The following CAPN1 variants were observed in gnomAD, a reference collection of about 807,000 sequenced individuals.
The protein encoded by CAPN1 is calpain 1, also known as calpain-1 catalytic subunit.
Under a neutral mutation model 105.2 loss-of-function variants are expected in CAPN1, and 77 were observed. The observed-to-expected ratio is 0.73, with a 90% CI of 0.61 to 0.88. The LOEUF (loss-of-function observed/expected upper bound fraction) is 0.88. Among genes scored for constraint, CAPN1 ranks in the 40% least tolerant of loss-of-function variants. CAPN1 has a pLI of 0.00. For missense variants in CAPN1, 833 were observed against 976.6 expected, an observed-to-expected ratio of 0.85 and a Z score of 1.96; for synonymous variants, 355 against 388.8, an observed-to-expected ratio of 0.91 and a Z score of 1.02.
chr11:65,181,408 G>A, upstream of CAPN1: 1 of 245,704 alleles, frequency 4.1e-6, no homozygotes. This position sits in a 1 kb window ranked among gnomAD's most constrained non-coding sequence, Gnocchi z 4.6. Flanking sequence ...GCCGCAGCCC[G>A]AGGTAATCTC....
In CAPN1 at chr11:65,183,458, A is replaced by AT. The variant is rs769482925; in HGVS notation, c.338-15dup. On this transcript the variant is annotated splice_polypyrimidine_tract_variant and intron_variant, in intron 3 of 21. Coordinates refer to ENST00000279247, the MANE Select transcript of CAPN1 (RefSeq NM_005186.4). ...AGGTTGGTAGAGCAGGCTAATGTGC[A>AT]TCCCTCCTGCCCCAGGGGACTGCTG... is the stretch of plus-strand genomic sequence containing the variant. The AT allele has an allele frequency of 2.5e-6, 4 of 1,578,264 alleles. No individual in the cohort carries two copies. In the South Asian group the frequency reaches 3.3e-5, roughly 13 times the overall value.
In CAPN1 at chr11:65,209,649, C is replaced by T. The variant is rs957852824; in HGVS notation, c.1795-200C>T. 1 of 648,366 alleles carries T rather than the reference C, an allele frequency of 1.5e-6. No homozygotes were observed. Among genetic ancestry groups the T allele is most frequent in the Non-Finnish European group, 2.7e-6 (1 of 367,220 alleles). The allele number at this position is 648,366 out of a possible 1,614,324, so 40.2% of individuals were successfully genotyped here. A position where few individuals can be genotyped will look rare whatever the true frequency, so the allele number is the denominator to read the frequency against. On this transcript the variant is annotated intron_variant, in intron 17 of 21. Transcript: ENST00000279247. This position sits in a 1 kb window ranked among gnomAD's most constrained non-coding sequence, Gnocchi z 4.1. The stretch of plus-strand genomic sequence containing the variant: ...GAGGCTGGTGCTATTTCTGACCCCT[C>T]CCCAGCCCACTCCACTGCAGCCCAG...
intron 6 of CAPN1, among the ~76,000 whole-genome samples, chr11:65,186,789 T>C (rs1365939370): frequency 1.3e-5 from 2 of 152,136 alleles, no homozygotes; most frequent in Admixed American, 1.3e-4. Context: ...TTGACCCCAG[T>C]ATCACTGCCA....
rs201136905 is a variant in CAPN1 at position 65,206,527 on chromosome 11, G to T, written c.1418G>T (p.Arg473Leu). The T allele has an allele frequency of 4.0e-5, 64 of 1,613,262 alleles. No individual in the cohort carries two copies. The highest frequency in any genetic ancestry group is 4.6e-5 in the Non-Finnish European group (54 of 1,179,896). The change falls in exon 13 of 22, where the codon CGC (arginine) becomes CTC (leucine). Residue 473 changes from arginine to leucine, a missense_variant. Arg to Leu is a moderately radical substitution (Grantham distance 102). Coordinates refer to ENST00000279247, the MANE Select transcript of CAPN1 (RefSeq NM_005186.4). Reference protein sequence around the residue: ...DFFLANASRARSEQFINLREV... With the variant: ...DFFLANASRALSEQFINLREV... ...TTCCTGGCCAATGCGTCTCGGGCGC[G>T]CTCAGAGCAGTTCATCAACCTGCGA... is the stretch of plus-strand genomic sequence containing the variant.
chr11:65,204,718 C>T lies in CAPN1; in HGVS notation c.1201C>T (p.Leu401=). ...GGTGAACCCTCAGTTCAAGATCCGG[C>T]TGGATGAGACGGATGACCCGGACGA... is the stretch of plus-strand genomic sequence containing the variant. The part of the protein sequence containing the change: ...FWVNPQFKIR[L]DETDDPDDYG... The change falls in exon 11 of 22, where the codon CTG becomes TTG. Residue 401 remains leucine (L), a synonymous_variant. Coordinates refer to ENST00000279247, the MANE Select transcript of CAPN1 (RefSeq NM_005186.4). The T allele has an allele frequency of 6.2e-7, 1 of 1,613,074 alleles. No individual in the cohort carries two copies. The highest frequency in any genetic ancestry group is 1.1e-5 in the South Asian group (1 of 91,090).
At position 65,187,984 on chromosome 11, in the gene CAPN1, G is replaced by A. The variant is rs751874932; in HGVS notation, c.873G>A (p.Leu291=). ...QVNYRGQVVS[L]IRMRNPWGEV... ...ACTACCGAGGCCAGGTGGTGAGCCT[G>A]ATCCGGATGCGGAACCCCTGGGGCG... The change falls in exon 8 of 22, where the codon CTG becomes CTA. Residue 291 remains leucine, a synonymous_variant. Coordinates refer to ENST00000279247, the MANE Select transcript of CAPN1 (RefSeq NM_005186.4). 1.3e-6 allele frequency: 2 copies of A among 1,563,296 alleles called. No homozygotes were observed. The highest frequency in any genetic ancestry group is 2.4e-5 in the South Asian group (2 of 84,700).
upstream of CAPN1, chr11:65,181,615 C>T (rs1385950150): frequency 2.4e-6 from 1 of 409,808 alleles, no homozygotes; most frequent in African/African-American, 2.2e-5. This position sits in a 1 kb window ranked among gnomAD's most constrained non-coding sequence, Gnocchi z 4.6. Context: ...TTAAAAATAC[C>T]CCCTGCCCGG....
rs1296085581 is a variant in CAPN1, at chr11:65,206,622, A to G, written c.1513A>G (p.Lys505Glu). ...VVVPSTFEPN[K>E]EGDFVLRFFS... ...GGTGCCCTCCACCTTCGAGCCCAACAAGGAGGGCGACTTCGTGCTGCGCTT... is the reference window on the plus strand; with the variant it reads ...GGTGCCCTCCACCTTCGAGCCCAACGAGGAGGGCGACTTCGTGCTGCGCTT... The change falls in exon 13 of 22, where the codon AAG becomes GAG. Residue 505 changes from lysine to glutamate, a missense_variant. Physicochemically the swap from Lys to Glu is moderately conservative, Grantham distance 56 (BLOSUM62 1). Transcript: ENST00000279247. The G allele has an allele frequency of 1.4e-5, 23 of 1,613,190 alleles. No homozygotes were observed. The Admixed American group carries it at 3.8e-4, about 27-fold the overall frequency.
At chr11:65,187,479 CTGTAGTTCA>C in intron 7 of CAPN1, 181 bp downstream of exon 7, 1 of 603,508 alleles carries the variant, frequency 1.7e-6, no homozygotes, top group Admixed American at 2.9e-5. Context: ...CCCTGACTGA[CTGTAGTTCA>C]TGTGTGCAGC....
In CAPN1 at chr11:65,183,468, C is replaced by T. The variant is rs372457262; in HGVS notation, c.338-6C>T. On this transcript the variant is annotated splice_region_variant and splice_polypyrimidine_tract_variant and intron_variant, in intron 3 of 21. Coordinates refer to ENST00000279247, the MANE Select transcript of CAPN1 (RefSeq NM_005186.4). ...AGCAGGCTAATGTGCATCCCTCCTG[C>T]CCCAGGGGACTGCTGGCTCTTGGCG... 1.2e-6 allele frequency: 2 copies of T among 1,604,044 alleles called. No individual in the cohort carries two copies. The highest frequency in any genetic ancestry group is 2.7e-5 in the African/African-American group (2 of 74,924).
intron 10 of CAPN1, among the ~76,000 whole-genome samples, chr11:65,199,715 C>T (rs1016190585): frequency 1.3e-5 from 2 of 152,162 alleles, no homozygotes; most frequent in Admixed American, 6.6e-5. Context: ...TTATTTCTTC[C>T]AAGAACTTAA....
At position 65,183,505 on chromosome 11, in the gene CAPN1, C is replaced by T. The variant is rs1414106013; in HGVS notation, c.369C>T (p.Ser123=). Residue 123 remains serine (S), a synonymous_variant, in exon 4 of 22, where the codon TCC becomes TCT. Transcript: ENST00000279247. The stretch of plus-strand genomic sequence containing the variant: ...GCTGGCTCTTGGCGGCCATCGCCTC[C>T]CTCACTCTCAACGACACCCTCCTGC... The part of the protein sequence containing the change: ...GDCWLLAAIA[S]LTLNDTLLHR... The T allele has an allele frequency of 1.2e-6, 2 of 1,613,862 alleles. No homozygotes were observed. The highest frequency in any genetic ancestry group is 1.7e-6 in the Non-Finnish European group (2 of 1,179,750).
In CAPN1 at chr11:65,211,499, G is replaced by A. The variant is rs975427307; in HGVS notation, c.*213G>A. The A allele has an allele frequency of 4.6e-5, 28 of 608,474 alleles. No homozygotes were observed. Among genetic ancestry groups the A allele is most frequent in the East Asian group, 4.2e-4 (15 of 36,134 alleles). 37.7% of individuals were successfully genotyped at this position (608,474 alleles called of 1,614,324 possible). A position where few individuals can be genotyped will look rare whatever the true frequency, so the allele number is the denominator to read the frequency against. ...CCCTGCCTGTGCCAGCCATGGGCTC[G>A]GGATGGACTCCCTGGGCCCCACCCA... On this transcript the variant is annotated 3_prime_UTR_variant, in exon 22 of 22. Coordinates refer to ENST00000279247, the MANE Select transcript of CAPN1 (RefSeq NM_005186.4).
rs755788906 is a variant in CAPN1 at position 65,204,777 on chromosome 11, G to C, written c.1260G>C (p.Val420=). ...YGDRESGCSF[V]LALMQKHRRR... ...ACCGCGAGTCAGGCTGCAGCTTCGT[G>C]CTCGCCCTTATGCAGAAGCACCGTC... Residue 420 remains valine, a synonymous_variant, in exon 11 of 22, where the codon GTG becomes GTC. Coordinates refer to ENST00000279247, the MANE Select transcript of CAPN1 (RefSeq NM_005186.4). 6.2e-7 allele frequency: 1 copy of C among 1,613,082 alleles called. No individual in the cohort carries two copies. The highest frequency in any genetic ancestry group is 1.7e-5 in the Admixed American group (1 of 60,016).
chr11:65,186,093 CT>C (rs1259683921), intron 5 of CAPN1, 43 bp downstream of exon 5: 1 of 1,607,684 alleles, frequency 6.2e-7, no homozygotes, highest in Admixed American at 1.7e-5. Flanking sequence ...CCAGCTCCCC[CT>C]AGGGGTGGGG....
chr11:65,207,619 A>G (rs1247660197), intron 14 of CAPN1, among the ~76,000 whole-genome samples: 1 of 151,882 alleles, frequency 6.6e-6, no homozygotes, highest in Non-Finnish European at 1.5e-5. Flanking sequence ...CAGATTAGAA[A>G]AGTGAGACTC....
At position 65,183,509 on chromosome 11, in the gene CAPN1, A is replaced by C. The variant is rs1590847381; in HGVS notation, c.373A>C (p.Thr125Pro). 1 of 1,613,080 alleles carries C rather than the reference A, an allele frequency of 6.2e-7. No homozygotes were observed. Among genetic ancestry groups the C allele is most frequent in the Non-Finnish European group, 8.5e-7 (1 of 1,179,622 alleles). ...GCTCTTGGCGGCCATCGCCTCCCTC[A>C]CTCTCAACGACACCCTCCTGCACCG... ...CWLLAAIASL[T>P]LNDTLLHRVV... Residue 125 changes from threonine (T) to proline (P), a missense_variant, in exon 4 of 22, where the codon ACT becomes CCT. Transcript: ENST00000279247.
chr11:65,205,765 T>G, intron 12 of CAPN1, 44 bp downstream of exon 12: 1 of 1,603,302 alleles, frequency 6.2e-7, no homozygotes, highest in Non-Finnish European at 8.5e-7. Context: ...ACACCCCTGA[T>G]GGTGCCAGAG....
upstream of CAPN1, chr11:65,181,628 C>A: frequency 2.5e-6 from 1 of 397,436 alleles, no homozygotes; most frequent in South Asian, 1.7e-5. The surrounding 1 kb of genome is among the most constrained non-coding windows in gnomAD (Gnocchi z 4.6). Flanking sequence ...CTGCCCGGCC[C>A]TCCCCCTCCG....
Sources: allele counts gnomAD v4.1 joint callset (sites outside exome capture counted in the v4.1 genomes callset), GRCh38; gene constraint gnomAD v4.1.1; non-coding constraint Gnocchi (gnomAD v3.1); transcripts MANE v1.5; gene names NCBI Gene and HGNC (gene_info 2026-07-23, HGNC 2026-07-21).